TNKS: variants seen among roughly 807,000 people sequenced by gnomAD.
The protein encoded by TNKS is tankyrase, also known as poly [ADP-ribose] polymerase tankyrase-1.
TNKS carries 72 observed loss-of-function variants against 135.8 expected under a neutral mutation model. The observed-to-expected ratio is 0.53, with a 90% CI of 0.44 to 0.64. The LOEUF (loss-of-function observed/expected upper bound fraction) is 0.64. TNKS is among the 30% of genes least tolerant of loss of function. TNKS has a pLI of 0.00. For synonymous variants in TNKS, 849 were observed against 649.3 expected, an observed-to-expected ratio of 1.31 and a Z score of -4.68; for missense variants, 1,769 against 1,674.0, an observed-to-expected ratio of 1.06 and a Z score of -0.99.
rs35849589 is a variant in TNKS at position 9,747,918 on chromosome 8, A to G, written c.2644-106A>G. On this transcript the variant is annotated intron_variant, in intron 17 of 26. Coordinates refer to ENST00000310430, the MANE Select transcript of TNKS (RefSeq NM_003747.3). ...GAAGAAACTTCTGTTAAGGATGAAA[A>G]TGGAGATACAGAGGAGTGAATTGTT... The G allele has an allele frequency of 6.9e-5, 74 of 1,074,192 alleles. No individual in the cohort carries two copies. The East Asian group carries it at 1.8e-3, about 27-fold the overall frequency. 66.5% of individuals were successfully genotyped at this position (1,074,192 alleles called of 1,614,324 possible). A position where few individuals can be genotyped will look rare whatever the true frequency, so the allele number is the denominator to read the frequency against.
intron 25 of TNKS, among the ~76,000 whole-genome samples, chr8:9,767,616 A>C (rs1807536930): frequency 6.6e-6 from 1 of 152,144 alleles, no homozygotes; most frequent in Non-Finnish European, 1.5e-5. Flanking sequence ...CGGATGTCAT[A>C]TACCCGGAAG....
chr8:9,763,107 G>A, intron 21 of TNKS, 40 bp from the exon 22 acceptor site: 2 of 873,508 alleles, frequency 2.3e-6, no homozygotes, highest in South Asian at 1.8e-5. Flanking sequence ...CCTGAGTAGT[G>A]TAGACTTTTG....
At chr8:9,774,993 A>C (rs1479154243) in intron 26 of TNKS, among the ~76,000 whole-genome samples, 1 of 152,164 alleles carries the variant, frequency 6.6e-6, no homozygotes, top group African/African-American at 2.4e-5. Flanking sequence ...GTCTGTCCGC[A>C]TGGTAAGCTC....
intron 5 of TNKS, among the ~76,000 whole-genome samples, chr8:9,681,413 A>G (rs986768468): frequency 1.3e-5 from 2 of 152,160 alleles, no homozygotes; most frequent in African/African-American, 4.8e-5. Flanking sequence ...TGGCAGCTTC[A>G]TTATCTACTT....
At chr8:9,569,211 C>G (rs1012005396) in intron 1 of TNKS, among the ~76,000 whole-genome samples, 1 of 152,140 alleles carries the variant, frequency 6.6e-6, no homozygotes, top group East Asian at 1.9e-4. Flanking sequence ...TCTAATAATT[C>G]CTGTCATCAC....
At chr8:9,586,316 G>A (rs1486866728) in intron 2 of TNKS, among the ~76,000 whole-genome samples, 1 of 152,010 alleles carries the variant, frequency 6.6e-6, no homozygotes, top group African/African-American at 2.4e-5. Flanking sequence ...AATTAAAGTT[G>A]GTTATCTAAA....
intron 21 of TNKS, 56 bp downstream of exon 21, chr8:9,761,692 T>G: frequency 6.4e-7 from 1 of 1,552,730 alleles, no homozygotes; most frequent in Non-Finnish European, 8.6e-7. Flanking sequence ...AAGGTAAGTA[T>G]TGGGGCTGAT....
intron 2 of TNKS, among the ~76,000 whole-genome samples, chr8:9,594,109 A>G (rs1798686037): frequency 1.3e-5 from 2 of 151,640 alleles, no homozygotes; most frequent in African/African-American, 2.4e-5. Flanking sequence ...CTGGTCTCAG[A>G]CTCCTGACCT....
At chr8:9,631,912 A>G (rs1800306849) in intron 3 of TNKS, among the ~76,000 whole-genome samples, 1 of 152,176 alleles carries the variant, frequency 6.6e-6, no homozygotes, top group South Asian at 2.1e-4. Flanking sequence ...GTATGGGGAA[A>G]GAGGAGATTA....
Position 9,641,442 on chromosome 8 carries a change from A to C in TNKS, c.994+25765A>C, listed in dbSNP as rs1800727854. Among the ~76,000 whole-genome samples, 2 of 145,220 alleles carry C rather than the reference A, an allele frequency of 1.4e-5. 1 individual carries two copies. The highest frequency in any genetic ancestry group is 4.2e-4 in the East Asian group (2 of 4,724). ...ATTTATTTATAAATATCTCTGCTTC[A>C]TACACTGGACTCATTTTAGTATATT... On this transcript the variant is annotated intron_variant, in intron 3 of 26. Transcript: ENST00000310430.
chr8:9,615,350 T>C, intron 2 of TNKS: 1 of 332,834 alleles, frequency 3.0e-6, no homozygotes, highest in Non-Finnish European at 5.5e-6. Context: ...TCTAGTTTCA[T>C]GTTTATGATG....
At chr8:9,771,230 AGAGCGAGG>A (rs1807817171) in intron 26 of TNKS, among the ~76,000 whole-genome samples, 1 of 138,852 alleles carries the variant, frequency 7.2e-6, no homozygotes, top group African/African-American at 2.7e-5. Flanking sequence ...AGGGAGGGAG[AGAGCGAGG>A]AAAGGAGGGA....
intron 2 of TNKS, among the ~76,000 whole-genome samples, chr8:9,590,469 A>G (rs570819469): frequency 6.6e-5 from 10 of 152,254 alleles, no homozygotes; most frequent in African/African-American, 2.4e-4. Context: ...TTATATCCTT[A>G]TTTAATCATA....
intron 3 of TNKS, among the ~76,000 whole-genome samples, chr8:9,637,494 T>A (rs1427727979): frequency 6.6e-6 from 1 of 152,220 alleles, no homozygotes; most frequent in East Asian, 1.9e-4. Context: ...TGTTGTTTTT[T>A]ATTATTCTAT....
chr8:9,675,124 A>G (rs1232788382), intron 3 of TNKS, among the ~76,000 whole-genome samples: 3 of 152,222 alleles, frequency 2.0e-5, no homozygotes, highest in African/African-American at 7.2e-5. Flanking sequence ...ACCTAACTCT[A>G]ATTCTTGAGA....
intron 5 of TNKS, among the ~76,000 whole-genome samples, chr8:9,684,617 C>T (rs902051235): frequency 2.0e-5 from 3 of 152,110 alleles, no homozygotes; most frequent in Non-Finnish European, 4.4e-5. Context: ...ACTCTGCCTA[C>T]TGTTGCTACT....
intron 3 of TNKS, among the ~76,000 whole-genome samples, chr8:9,661,789 G>C: frequency 6.6e-6 from 1 of 152,184 alleles, no homozygotes. Flanking sequence ...CCATCAGAGT[G>C]AACGGGCTAC....
rs1209739935 is a variant in TNKS, at chr8:9,661,385, G to C, written c.995-18566G>C. 2.6e-5 allele frequency among the ~76,000 whole-genome samples: 4 copies of C among 152,172 alleles called. No homozygotes were observed. In the East Asian group the frequency reaches 5.8e-4, roughly 22 times the overall value. ...AGCATGGTACTGGTACCAAAACAGAGATAGAGACCAATGGAACAGAACAGA... is the reference window on the plus strand; with the variant it reads ...AGCATGGTACTGGTACCAAAACAGACATAGAGACCAATGGAACAGAACAGA... On this transcript the variant is annotated intron_variant, in intron 3 of 26. Coordinates refer to ENST00000310430, the MANE Select transcript of TNKS (RefSeq NM_003747.3).
chr8:9,701,082 C>T (rs189238820), intron 5 of TNKS, among the ~76,000 whole-genome samples: 8 of 151,712 alleles, frequency 5.3e-5, no homozygotes, highest in South Asian at 2.1e-4. Flanking sequence ...TACAGGTGCC[C>T]GCCACCACAC....
Sources: allele counts gnomAD v4.1 joint callset (sites outside exome capture counted in the v4.1 genomes callset), GRCh38; gene constraint gnomAD v4.1.1; transcripts MANE v1.5; gene names NCBI Gene and HGNC (gene_info 2026-07-23, HGNC 2026-07-21).